Variants in TNFAIP2 observed in about 807,000 individuals in gnomAD.
The protein encoded by TNFAIP2 is TNF alpha induced protein 2.
TNFAIP2 carries 47 observed loss-of-function variants against 63.5 expected under a neutral mutation model. The ratio of observed to expected loss-of-function variants is 0.74; its 90% CI spans 0.59 to 0.94. The LOEUF is 0.94. Ranked by LOEUF, TNFAIP2 falls within the 40% of genes least tolerant of loss-of-function variation. The pLI, the probability that TNFAIP2 is intolerant of heterozygous loss-of-function variation, is 0.00. For synonymous variants in TNFAIP2, 405 were observed against 390.2 expected, an observed-to-expected ratio of 1.04 and a Z score of -0.45; for missense variants, 787 against 850.2, an observed-to-expected ratio of 0.93 and a Z score of 0.92.
intron 4 of TNFAIP2, 63 bp from the exon 5 acceptor site, chr14:103,129,939 A>T: frequency 6.2e-7 from 1 of 1,606,996 alleles, no homozygotes; most frequent in Non-Finnish European, 8.5e-7. Context: ...AGGGAGCTTG[A>T]CGGGTCTTCC....
upstream of TNFAIP2, chr14:103,123,043 G>A (rs1212398454): frequency 1.1e-5 from 3 of 264,280 alleles, 1 homozygote; most frequent in South Asian, 6.2e-5. Context: ...CTTCAGAGGG[G>A]CGGCTGGGGA....
intron 3 of TNFAIP2, among the ~76,000 whole-genome samples, chr14:103,128,347 G>A (rs2087904220): frequency 2.6e-5 from 4 of 152,188 alleles, no homozygotes; most frequent in Admixed American, 2.0e-4. Flanking sequence ...CCCCTCAGGT[G>A]GGAGGCTGGC....
At position 103,133,464 on chromosome 14, in the gene TNFAIP2, G is replaced by T; in HGVS notation, c.1648G>T (p.Ala550Ser). 1.2e-6 allele frequency: 2 copies of T among 1,613,930 alleles called. No homozygotes were observed. Among genetic ancestry groups the T allele is most frequent in the East Asian group, 2.2e-5 (1 of 44,886 alleles). Reference sequence around the variant, plus strand: ...GACGGCCGAGCAGCAGCAGCAGCTGGCTGGGTACATCCTGGCCAATGCTGA... The same window carrying T: ...GACGGCCGAGCAGCAGCAGCAGCTGTCTGGGTACATCCTGGCCAATGCTGA... ...LKTAEQQQQLAGYILANADTI... is the reference protein window; with the variant it reads ...LKTAEQQQQLSGYILANADTI... The change falls in exon 10 of 12, where the codon GCT (alanine) becomes TCT (serine). Residue 550 changes from alanine to serine, a missense_variant. By Grantham distance (99) the Ala-to-Ser change is moderately conservative. This residue lies in a region of TNFAIP2 where 523 missense variants were observed against 604.1 expected (regional missense o/e 0.87). Transcript: ENST00000560869.
At position 103,137,026 on chromosome 14, in the gene TNFAIP2, C is replaced by G. The variant is rs2088107061; in HGVS notation, c.*1666C>G. 1 of 152,054 alleles carries G rather than the reference C, an allele frequency of 6.6e-6. No individual in the cohort carries two copies. Among genetic ancestry groups the G allele is most frequent in the Admixed American group, 6.5e-5 (1 of 15,272 alleles). The allele number at this position is 152,054 out of a possible 1,614,324, so 9.4% of individuals were successfully genotyped here. Reference sequence around the variant, plus strand: ...GCCCACCGCACCCTCCGTTCATCCCCTGCCCTGCCGGGCACCTCGCTCTAC... The same window carrying G: ...GCCCACCGCACCCTCCGTTCATCCCGTGCCCTGCCGGGCACCTCGCTCTAC... On this transcript the variant is annotated 3_prime_UTR_variant, in exon 12 of 12. Coordinates refer to ENST00000560869, the MANE Select transcript of TNFAIP2 (RefSeq NM_006291.4).
intron 8 of TNFAIP2, among the ~76,000 whole-genome samples, chr14:103,132,007 GGGCC>G (rs146354735): frequency 9.7e-5 from 1 of 10,330 alleles, no homozygotes; most frequent in African/African-American, 7.3e-4. Flanking sequence ...GGGCTGGGAG[GGGCC>G]GCCTGGGGCT....
Position 103,133,352 on chromosome 14 carries a change from G to A in TNFAIP2, c.1546-10G>A. On this transcript the variant is annotated splice_polypyrimidine_tract_variant and intron_variant, in intron 9 of 11. Coordinates refer to ENST00000560869, the MANE Select transcript of TNFAIP2 (RefSeq NM_006291.4). ...ACAGCTCACACGCCCCTGGCTGCTT[G>A]CCCTCCCAGGAGCTCATGGAGGCCT... 1 of 1,612,134 alleles carries A rather than the reference G, an allele frequency of 6.2e-7. No individual in the cohort carries two copies. The highest frequency in any genetic ancestry group is 8.5e-7 in the Non-Finnish European group (1 of 1,179,362).
At position 103,127,345 on chromosome 14, in the gene TNFAIP2, C is replaced by A; in HGVS notation, c.576C>A (p.Arg192=). Residue 192 remains arginine (R), a synonymous_variant, in exon 3 of 12, where the codon CGC becomes CGA. Coordinates refer to ENST00000560869, the MANE Select transcript of TNFAIP2 (RefSeq NM_006291.4). This position sits in a 1 kb window ranked among gnomAD's most constrained non-coding sequence, Gnocchi z 5.1. The part of the protein sequence containing the change: ...RPRRWLQLWR[R]GVAEAAEERM... ...GGCGCTGGCTGCAGCTGTGGCGGCG[C>A]GGCGTGGCGGAGGCGGCCGAGGAGC... The A allele has an allele frequency of 8.3e-7, 1 of 1,211,716 alleles. No homozygotes were observed. The allele number at this position is 1,211,716 out of a possible 1,614,324, so 75.1% of individuals were successfully genotyped here.
chr14:103,132,389 G>A (rs1443330464), intron 8 of TNFAIP2, among the ~76,000 whole-genome samples: 2 of 152,156 alleles, frequency 1.3e-5, no homozygotes, highest in Admixed American at 6.5e-5. Context: ...AAGCCCGAGC[G>A]GTGACCCCAC....
In TNFAIP2 at chr14:103,133,664, C is replaced by T. The variant is rs752945687; in HGVS notation, c.1702-18C>T. 2.6e-6 allele frequency: 4 copies of T among 1,553,144 alleles called. 1 individual carries two copies. In the South Asian group the frequency reaches 4.8e-5, roughly 19 times the overall value. ...CCTCTGGACCCCTGGGTCCCTCCAA[C>T]CACACCCACTCCTGCAGGGCTCCCC... is the stretch of plus-strand genomic sequence containing the variant. On this transcript the variant is annotated intron_variant, in intron 10 of 11. Coordinates refer to ENST00000560869, the MANE Select transcript of TNFAIP2 (RefSeq NM_006291.4).
chr14:103,131,173 G>T lies in TNFAIP2; in HGVS notation c.1298+23G>T. 1 of 1,612,374 alleles carries T rather than the reference G, an allele frequency of 6.2e-7. No homozygotes were observed. The highest frequency in any genetic ancestry group is 8.5e-7 in the Non-Finnish European group (1 of 1,178,590). On this transcript the variant is annotated intron_variant, in intron 7 of 11. Coordinates refer to ENST00000560869, the MANE Select transcript of TNFAIP2 (RefSeq NM_006291.4). This position sits in a 1 kb window ranked among gnomAD's most constrained non-coding sequence, Gnocchi z 4.0. ...CCGGTGAGAGTGTTGGGAGGGGCTT[G>T]CGGGAGTGGGAGTCACTCAGCGGGC...
rs558034634 is a variant in TNFAIP2, at chr14:103,132,962, A to G, written c.1545+90A>G. On this transcript the variant is annotated intron_variant, in intron 9 of 11. Transcript: ENST00000560869. ...AGCACGTCTGTGTACACTCACGCAC[A>G]TGTGCTCACACGCGCACATGTGAAC... is the stretch of plus-strand genomic sequence containing the variant. 6.3e-5 allele frequency: 98 copies of G among 1,566,518 alleles called. No homozygotes were observed. The East Asian group carries it at 1.3e-3, about 21-fold the overall frequency.
At position 103,127,988 on chromosome 14, in the gene TNFAIP2, G is replaced by A. The variant is rs1385978208; in HGVS notation, c.860+359G>A. Among the ~76,000 whole-genome samples, 1 of 152,218 alleles carries A rather than the reference G, an allele frequency of 6.6e-6. No homozygotes were observed. The highest frequency in any genetic ancestry group is 1.5e-5 in the Non-Finnish European group (1 of 68,028). ...GGGCAAAGCAATCAATAACCATCCA[G>A]AGCTGGAAGGGCTGTGGCAGCAGAG... is the stretch of plus-strand genomic sequence containing the variant. On this transcript the variant is annotated intron_variant, in intron 3 of 11. Coordinates refer to ENST00000560869, the MANE Select transcript of TNFAIP2 (RefSeq NM_006291.4). The surrounding 1 kb of genome is among the most constrained non-coding windows in gnomAD (Gnocchi z 5.1).
In TNFAIP2 at chr14:103,135,260, T is replaced by TATCCAACAGTGAGGTCAAGCGC. The variant is rs1398377173; in HGVS notation, c.1870_1891dup (p.Arg631GlnfsTer3). ...GCTATCCTGGCCATCAAGGGGAACC[T>TATCCAACAGTGAGGTCAAGCGC]ATCCAACAGTGAGGTCAAGCGCATC... On this transcript the variant is annotated frameshift_variant, in exon 12 of 12. Transcript: ENST00000560869. LOFTEE classifies it low-confidence loss of function (END_TRUNC). This position sits in a 1 kb window ranked among gnomAD's most constrained non-coding sequence, Gnocchi z 7.6. 17 of 1,613,890 alleles carry TATCCAACAGTGAGGTCAAGCGC rather than the reference T, an allele frequency of 1.1e-5. No homozygotes were observed. Among genetic ancestry groups the TATCCAACAGTGAGGTCAAGCGC allele is most frequent in the Non-Finnish European group, 1.4e-5 (17 of 1,180,024 alleles).
rs769575979 is a variant in TNFAIP2, at chr14:103,131,692, T to C, written c.1352T>C (p.Leu451Pro). 3.1e-5 allele frequency: 50 copies of C among 1,609,232 alleles called. No individual in the cohort carries two copies. Among genetic ancestry groups the C allele is most frequent in the Non-Finnish European group, 4.2e-5 (49 of 1,179,634 alleles). ...QVPQDTLSLL[L>P]GPLGELKSHG... is the part of the protein sequence containing the mutation. ...CCCCAGGACACCCTGAGCCTCCTGC[T>C]GGGCCCCCTGGGTGAGCTCAAGAGC... Residue 451 changes from leucine (L) to proline (P), a missense_variant, in exon 8 of 12, where the codon CTG becomes CCG. Physicochemically the swap from Leu to Pro is moderately conservative, Grantham distance 98. This residue lies in a region of TNFAIP2 where 523 missense variants were observed against 604.1 expected (regional missense o/e 0.87). Transcript: ENST00000560869. The surrounding 1 kb of genome is among the most constrained non-coding windows in gnomAD (Gnocchi z 4.0).
In TNFAIP2 at chr14:103,135,796, C is replaced by A; in HGVS notation, c.*436C>A. Reference sequence around the variant, plus strand: ...GAGACAGGGGCCGAGCCTCACCCATCTGCCCTCTGCAGCCCAGGGCCGCCG... The same window carrying A: ...GAGACAGGGGCCGAGCCTCACCCATATGCCCTCTGCAGCCCAGGGCCGCCG... On this transcript the variant is annotated 3_prime_UTR_variant, in exon 12 of 12. Coordinates refer to ENST00000560869, the MANE Select transcript of TNFAIP2 (RefSeq NM_006291.4). The surrounding 1 kb of genome is among the most constrained non-coding windows in gnomAD (Gnocchi z 7.6). 1 of 1,294,710 alleles carries A rather than the reference C, an allele frequency of 7.7e-7. No individual in the cohort carries two copies. Among genetic ancestry groups the A allele is most frequent in the Non-Finnish European group, 1.0e-6 (1 of 992,808 alleles). 80.2% of individuals were successfully genotyped at this position (1,294,710 alleles called of 1,614,324 possible). A position where few individuals can be genotyped will look rare whatever the true frequency, so the allele number is the denominator to read the frequency against.
chr14:103,127,678 G>A lies in TNFAIP2; in HGVS notation c.860+49G>A. 1 of 1,420,416 alleles carries A rather than the reference G, an allele frequency of 7.0e-7. No individual in the cohort carries two copies. The highest frequency in any genetic ancestry group is 9.2e-7 in the Non-Finnish European group (1 of 1,088,084). 88.0% of individuals were successfully genotyped at this position (1,420,416 alleles called of 1,614,324 possible). A position where few individuals can be genotyped will look rare whatever the true frequency, so the allele number is the denominator to read the frequency against. On this transcript the variant is annotated intron_variant, in intron 3 of 11. Coordinates refer to ENST00000560869, the MANE Select transcript of TNFAIP2 (RefSeq NM_006291.4). This position sits in a 1 kb window ranked among gnomAD's most constrained non-coding sequence, Gnocchi z 5.1. ...CGGGCCGGCAGGGAGGGTGTCCTCT[G>A]TAGGAGGGGTGTCGAGGGGTGTCGA...
chr14:103,133,143 AAC>A (rs3070502), intron 9 of TNFAIP2, among the ~76,000 whole-genome samples: 3,022 of 151,838 alleles, frequency 0.02, 98 homozygotes, highest in African/African-American at 0.069. Flanking sequence ...CGAGCATGTA[AAC>A]ACACACATGT....
At position 103,127,747 on chromosome 14, in the gene TNFAIP2, T is replaced by G; in HGVS notation, c.860+118T>G. ...TTTAGTGAGGTCGGTGTTTGCAGAGTTTTGGGTCCGAGAATGCAGGGGTGG... is the reference window on the plus strand; with the variant it reads ...TTTAGTGAGGTCGGTGTTTGCAGAGGTTTGGGTCCGAGAATGCAGGGGTGG... On this transcript the variant is annotated intron_variant, in intron 3 of 11. Coordinates refer to ENST00000560869, the MANE Select transcript of TNFAIP2 (RefSeq NM_006291.4). This position sits in a 1 kb window ranked among gnomAD's most constrained non-coding sequence, Gnocchi z 5.1. The G allele has an allele frequency of 8.1e-7, 1 of 1,238,910 alleles. No homozygotes were observed. Among genetic ancestry groups the G allele is most frequent in the Non-Finnish European group, 1.1e-6 (1 of 941,940 alleles). The allele number at this position is 1,238,910 out of a possible 1,614,324, so 76.7% of individuals were successfully genotyped here.
intron 3 of TNFAIP2, among the ~76,000 whole-genome samples, chr14:103,128,628 A>G (rs553641713): frequency 6.6e-6 from 1 of 152,212 alleles, no homozygotes; most frequent in South Asian, 2.1e-4. Context: ...CTGTGGGCTC[A>G]GTTCGTGTTG....
Sources: gnomAD v4.1 joint callset for allele counts (sites outside exome capture counted in the v4.1 genomes callset) on GRCh38, gnomAD v4.1.1 for gene constraint, gnomAD v4.1.1 regional missense constraint, Gnocchi (gnomAD v3.1) non-coding constraint, MANE v1.5 for transcripts, NCBI Gene and HGNC (gene_info 2026-07-23, HGNC 2026-07-21) for gene names.